Variants in CDH12 observed in about 807,000 individuals in gnomAD.
CDH12 encodes the protein cadherin 12, also known as cadherin-12.
A neutral mutation model predicts 74.1 loss-of-function variants in CDH12; 41 were observed. The ratio of observed to expected loss-of-function variants is 0.55; its 90% CI spans 0.43 to 0.72. CDH12 has a LOEUF of 0.72. CDH12 is among the 30% of genes least tolerant of loss of function. The pLI is 0.00. For missense variants in CDH12, 945 were observed against 977.2 expected, an observed-to-expected ratio of 0.97 and a Z score of 0.44; for synonymous variants, 399 against 355.0, an observed-to-expected ratio of 1.12 and a Z score of -1.39.
intron 7 of CDH12, among the ~76,000 whole-genome samples, 180 bp downstream of exon 7, chr5:21,854,491 G>A (rs111495228): frequency 6.6e-6 from 1 of 151,688 alleles, no homozygotes; most frequent in Non-Finnish European, 1.5e-5. Context: ...TTTACACAAA[G>A]TTCACTTAAA....
At chr5:22,115,548 A>G (rs1035629331) in intron 4 of CDH12, among the ~76,000 whole-genome samples, 8 of 152,266 alleles carry the variant, frequency 5.3e-5, no homozygotes, top group Middle Eastern at 3.4e-3. Flanking sequence ...TGGCTATAGT[A>G]TTATGTGATG....
intron 5 of CDH12, among the ~76,000 whole-genome samples, chr5:21,979,834 T>C (rs1479448188): frequency 1.3e-5 from 2 of 152,024 alleles, no homozygotes; most frequent in African/African-American, 4.8e-5. Context: ...ATGGTATTTC[T>C]AGTTCTAGAT....
intron 5 of CDH12, among the ~76,000 whole-genome samples, chr5:22,037,565 C>T (rs1739277449): frequency 6.6e-6 from 1 of 152,088 alleles, no homozygotes; most frequent in Non-Finnish European, 1.5e-5. Context: ...AGACTTCTGG[C>T]CTACAGAACT....
chr5:22,471,127 C>T (rs186764171), intron 2 of CDH12, among the ~76,000 whole-genome samples: 48 of 152,168 alleles, frequency 3.2e-4, no homozygotes, highest in East Asian at 1.7e-3. Context: ...GAACTTACTC[C>T]TAGTTCCCTA....
chr5:22,465,685 A>G (rs946769824), intron 2 of CDH12, among the ~76,000 whole-genome samples: 2 of 152,042 alleles, frequency 1.3e-5, no homozygotes, highest in Admixed American at 1.3e-4. Context: ...ACAGAACAGA[A>G]CAGAACACTT....
intron 1 of CDH12, among the ~76,000 whole-genome samples, chr5:22,574,028 T>G (rs1160770789): frequency 6.6e-6 from 1 of 151,950 alleles, no homozygotes; most frequent in Non-Finnish European, 1.5e-5. Context: ...CTTTATAATC[T>G]TTACCTTAAG....
chr5:22,095,347 A>G (rs1440097426), intron 4 of CDH12, among the ~76,000 whole-genome samples: 1 of 151,982 alleles, frequency 6.6e-6, no homozygotes, highest in Non-Finnish European at 1.5e-5. Flanking sequence ...GACAAAGGAG[A>G]CACGTTTTAT....
chr5:21,878,265 T>C (rs1233587371), intron 6 of CDH12, among the ~76,000 whole-genome samples: 4 of 152,170 alleles, frequency 2.6e-5, no homozygotes, highest in African/African-American at 9.7e-5. Flanking sequence ...AATAAAAGAC[T>C]TGGAAGCCTA....
chr5:21,786,288 G>A (rs1746193210), intron 10 of CDH12, among the ~76,000 whole-genome samples: 1 of 152,030 alleles, frequency 6.6e-6, no homozygotes, highest in Non-Finnish European at 1.5e-5. Flanking sequence ...TCAGTAGCTG[G>A]GATTACAGGT....
intron 1 of CDH12, among the ~76,000 whole-genome samples, chr5:22,819,886 C>A (rs1255355049): frequency 1.4e-5 from 2 of 147,056 alleles, no homozygotes; most frequent in African/African-American, 5.0e-5. Flanking sequence ...ATATTTATAT[C>A]CAGATATAAG....
intron 6 of CDH12, among the ~76,000 whole-genome samples, chr5:21,867,122 A>G (rs982280623): frequency 2.0e-5 from 3 of 152,166 alleles, no homozygotes; most frequent in Non-Finnish European, 4.4e-5. Flanking sequence ...TGGGATGCCA[A>G]GAAGGGTGGA....
intron 1 of CDH12, among the ~76,000 whole-genome samples, chr5:22,614,083 A>G (rs1353049574): frequency 6.6e-6 from 1 of 152,144 alleles, no homozygotes. Context: ...ACATGGAATC[A>G]TTTTATGAAG....
chr5:22,243,165 T>A (rs981508151), intron 3 of CDH12, among the ~76,000 whole-genome samples: 6 of 152,154 alleles, frequency 3.9e-5, no homozygotes, highest in African/African-American at 1.4e-4. Context: ...TATGGAACCA[T>A]GAATAGCTAA....
chr5:21,751,923 G>C lies in CDH12; in HGVS notation c.2199C>G (p.Tyr733Ter). Residue 733 changes from tyrosine (Y) to a stop codon, truncating the protein, a stop_gained, in exon 15 of 15, where the codon TAC becomes TAG. Transcript: ENST00000382254. LOFTEE classifies it high-confidence loss of function. ...ENDVDPTAPPYDSLATYAYEG... is the reference protein window; with the variant it reads ...ENDVDPTAPP ...CGTAGGCATATGTGGCCAGTGAATC[G>C]TATGGTGGGGCAGTTGGATCCACAT... The C allele has an allele frequency of 6.2e-7, 1 of 1,614,036 alleles. No individual in the cohort carries two copies. The highest frequency in any genetic ancestry group is 1.1e-5 in the South Asian group (1 of 91,076).
At chr5:21,953,900 A>G (rs1466922942) in intron 6 of CDH12, among the ~76,000 whole-genome samples, 2 of 152,156 alleles carry the variant, frequency 1.3e-5, no homozygotes, top group Non-Finnish European at 2.9e-5. Flanking sequence ...GAGACATGAT[A>G]AAAGTTACCA....
intron 1 of CDH12, among the ~76,000 whole-genome samples, chr5:22,698,735 AGTGTGTGTGTGT>A (rs374493879): frequency 1.4e-4 from 2 of 14,522 alleles, no homozygotes; most frequent in Non-Finnish European, 2.3e-4. Flanking sequence ...ATATATATAT[AGTGTGTGTGTGT>A]GTGTGTGTGT....
chr5:22,822,002 C>T (rs1749726525), intron 1 of CDH12, among the ~76,000 whole-genome samples: 1 of 152,116 alleles, frequency 6.6e-6, no homozygotes, highest in Non-Finnish European at 1.5e-5. Context: ...CTACAGTAAC[C>T]AAAACAGTGT....
chr5:21,773,427 G>A (rs1226805445), intron 11 of CDH12, among the ~76,000 whole-genome samples: 1 of 152,166 alleles, frequency 6.6e-6, no homozygotes, highest in Non-Finnish European at 1.5e-5. Flanking sequence ...GACTGGACAA[G>A]CTGAATCTTC....
chr5:22,580,820 C>T (rs1038195013), intron 1 of CDH12: 1 of 207,176 alleles, frequency 4.8e-6, no homozygotes, highest in African/African-American at 2.3e-5. Context: ...TTATTAACAA[C>T]ATTATGTTAT....
Sources: allele counts gnomAD v4.1 joint callset (sites outside exome capture counted in the v4.1 genomes callset), GRCh38; gene constraint gnomAD v4.1.1; transcripts MANE v1.5; gene names NCBI Gene and HGNC (gene_info 2026-07-23, HGNC 2026-07-21).